SPATA13: variants seen among roughly 807,000 people sequenced by gnomAD.
The protein encoded by SPATA13 is spermatogenesis associated 13, also known as spermatogenesis-associated protein 13.
SPATA13 carries 50 observed loss-of-function variants against 104.0 expected under a neutral mutation model. That is an observed-to-expected ratio of 0.48 (90% CI 0.38 to 0.61). The LOEUF (loss-of-function observed/expected upper bound fraction) is 0.61. Among genes scored for constraint, SPATA13 ranks in the 20% least tolerant of loss-of-function variants. The probability of loss-of-function intolerance (pLI) is 0.00; values close to 1 mark genes in which losing one functional copy is unlikely to be tolerated. For missense variants in SPATA13, 1,524 were observed against 1,690.6 expected (o/e 0.90, Z 1.73); for synonymous variants, 606 against 667.5 (o/e 0.91, Z 1.42).
At chr13:24,081,969 A>T (rs1879536079) in intron 3 of SPATA13, among the ~76,000 whole-genome samples, 1 of 152,186 alleles carries the variant, frequency 6.6e-6, no homozygotes. Flanking sequence ...CATAGGTCAT[A>T]TGCATATCTA....
At chr13:24,142,624 T>C (rs112314381) in intron 3 of SPATA13, among the ~76,000 whole-genome samples, 5,506 of 152,226 alleles carry the variant, frequency 0.036, 324 homozygotes, top group African/African-American at 0.12. Context: ...AGGTAATTAC[T>C]ACTCTTCAAC....
chr13:24,074,304 A>G (rs4770569), intron 3 of SPATA13, among the ~76,000 whole-genome samples: 139,327 of 152,260 alleles, frequency 0.92, 64,060 homozygotes, highest in South Asian at 0.98. Flanking sequence ...TTAACTCAAG[A>G]TTCATCCACG....
chr13:24,144,914 A>G (rs1881881205), intron 3 of SPATA13, among the ~76,000 whole-genome samples: 1 of 152,150 alleles, frequency 6.6e-6, no homozygotes, highest in African/African-American at 2.4e-5. Flanking sequence ...TTTCCAATAA[A>G]TCCTTCATTA....
intron 2 of SPATA13, among the ~76,000 whole-genome samples, chr13:24,237,190 T>C (rs1872614620): frequency 6.6e-6 from 1 of 151,984 alleles, no homozygotes; most frequent in Non-Finnish European, 1.5e-5. Flanking sequence ...ACCCCATCTC[T>C]ACTAAAAATA....
intron 1 of SPATA13, among the ~76,000 whole-genome samples, chr13:24,165,787 A>G (rs1280160005): frequency 6.6e-6 from 1 of 152,188 alleles, no homozygotes; most frequent in Non-Finnish European, 1.5e-5. Flanking sequence ...GGAACAGTCC[A>G]TTGTACTTGA....
At chr13:24,003,125 A>G (rs1876057646) in intron 2 of SPATA13, among the ~76,000 whole-genome samples, 1 of 152,028 alleles carries the variant, frequency 6.6e-6, no homozygotes, top group South Asian at 2.1e-4. Flanking sequence ...CTGGTTTTCA[A>G]TGGTTCTGTC....
chr13:23,989,058 T>A (rs534347301), intron 2 of SPATA13, among the ~76,000 whole-genome samples: 16 of 152,310 alleles, frequency 1.1e-4, no homozygotes, highest in Non-Finnish European at 2.2e-4. Context: ...CTGAAATGGT[T>A]CATATGCTGA....
chr13:24,073,416 G>A (rs78014444), intron 3 of SPATA13, among the ~76,000 whole-genome samples: 2,071 of 152,334 alleles, frequency 0.014, 24 homozygotes, highest in Non-Finnish European at 0.021. Flanking sequence ...ATAAATATCT[G>A]TCTATACCTA....
At chr13:24,047,332 A>G (rs950015897) in intron 3 of SPATA13, among the ~76,000 whole-genome samples, 1 of 152,242 alleles carries the variant, frequency 6.6e-6, no homozygotes, top group African/African-American at 2.4e-5. Context: ...CAAGCCAGAG[A>G]ACAGTGGCTG....
At chr13:24,188,280 C>T (rs575703834) in intron 1 of SPATA13, among the ~76,000 whole-genome samples, 45 of 151,684 alleles carry the variant, frequency 3.0e-4, no homozygotes, top group Non-Finnish European at 5.0e-4. Flanking sequence ...GGCAGTGAGT[C>T]GAGATCATGT....
intron 1 of SPATA13, among the ~76,000 whole-genome samples, chr13:24,210,283 T>C (rs1870940576): frequency 6.6e-6 from 1 of 152,178 alleles, no homozygotes; most frequent in Non-Finnish European, 1.5e-5. Context: ...CTTGATACAG[T>C]CTCGTGTCTA....
intron 3 of SPATA13, among the ~76,000 whole-genome samples, chr13:24,070,483 G>A (rs1338782487): frequency 3.9e-5 from 6 of 152,172 alleles, no homozygotes; most frequent in African/African-American, 1.4e-4. Flanking sequence ...TTTGGGTTGT[G>A]TCTACTCTGA....
intron 1 of SPATA13, among the ~76,000 whole-genome samples, chr13:24,213,963 A>G (rs990197192): frequency 6.6e-6 from 1 of 152,252 alleles, no homozygotes; most frequent in Non-Finnish European, 1.5e-5. Flanking sequence ...CTCATGGAGA[A>G]AAGATACAGC....
chr13:24,262,562 C>T (rs977928986), intron 4 of SPATA13, among the ~76,000 whole-genome samples: 59 of 152,104 alleles, frequency 3.9e-4, no homozygotes, highest in African/African-American at 1.4e-3. Context: ...ATTAACAGAC[C>T]TTTGGGTCAA....
chr13:24,260,514 G>A (rs566158097), intron 4 of SPATA13, among the ~76,000 whole-genome samples: 1 of 152,306 alleles, frequency 6.6e-6, no homozygotes, highest in African/African-American at 2.4e-5. Context: ...GCTTTATTAT[G>A]ATGATATGGA....
rs1276626139 is a variant in SPATA13 at position 24,223,659 on chromosome 13, A to G, written c.730A>G (p.Asn244Asp). ...VCEILVRDPENNSMGYRRSKS... is the reference protein window; with the variant it reads ...VCEILVRDPEDNSMGYRRSKS... ...TGAGATTCTCGTGAGGGACCCTGAA[A>G]ACAACAGCATGGGCTACAGGAGGAG... The change falls in exon 2 of 13, where the codon AAC (asparagine) becomes GAC (aspartate). Residue 244 changes from asparagine to aspartate, a missense_variant. Asn to Asp is a conservative substitution (Grantham distance 23, BLOSUM62 1). This residue lies in a region of SPATA13 where 1,089 missense variants were observed against 1,135.9 expected (regional missense o/e 0.96). Coordinates refer to ENST00000382108, the MANE Select transcript of SPATA13 (RefSeq NM_001166271.3). 1.9e-6 allele frequency: 3 copies of G among 1,552,174 alleles called. No individual in the cohort carries two copies. Among genetic ancestry groups the G allele is most frequent in the Non-Finnish European group, 1.7e-6 (2 of 1,147,108 alleles).
chr13:24,067,943 A>T (rs187878680), intron 3 of SPATA13, among the ~76,000 whole-genome samples: 6 of 152,274 alleles, frequency 3.9e-5, no homozygotes, highest in African/African-American at 1.2e-4. Context: ...ACCTCAGGTG[A>T]TCTGCATGCC....
intron 1 of SPATA13, among the ~76,000 whole-genome samples, chr13:24,195,889 A>G (rs1870029878): frequency 6.6e-6 from 1 of 152,214 alleles, no homozygotes; most frequent in Non-Finnish European, 1.5e-5. Context: ...TGATGTTTGG[A>G]TTAATAGCAA....
At chr13:24,118,126 C>G (rs1013598017) in intron 3 of SPATA13, among the ~76,000 whole-genome samples, 2 of 152,152 alleles carry the variant, frequency 1.3e-5, no homozygotes, top group Non-Finnish European at 2.9e-5. Flanking sequence ...ATGAGGAAAT[C>G]TGGAACAGCA....
Sources: allele counts gnomAD v4.1 joint callset (sites outside exome capture counted in the v4.1 genomes callset), GRCh38; gene constraint gnomAD v4.1.1; regional missense constraint gnomAD v4.1.1; transcripts MANE v1.5; gene names NCBI Gene and HGNC (gene_info 2026-07-23, HGNC 2026-07-21).